The following AKAP19 variants were observed in gnomAD, a reference collection of about 807,000 sequenced individuals.
AKAP19 encodes small A-kinase anchoring protein.
the AKAP19 span, among the ~76,000 whole-genome samples, chr2:189,913,820 G>A: frequency 1.3e-5 from 2 of 152,044 alleles, no homozygotes; most frequent in Non-Finnish European, 2.9e-5. Context: ...ATTATAATTA[G>A]TTCAGGATGT....
the AKAP19 span, among the ~76,000 whole-genome samples, chr2:190,112,174 C>A: frequency 6.6e-6 from 1 of 152,228 alleles, no homozygotes. Flanking sequence ...TTTCTTCCCA[C>A]TTCTGCATGA....
chr2:190,036,682 A>C, the AKAP19 span, among the ~76,000 whole-genome samples: 1 of 152,092 alleles, frequency 6.6e-6, no homozygotes, highest in African/African-American at 2.4e-5. Context: ...TGCTTTACTT[A>C]GTTCTTGCTT....
At chr2:189,931,085 G>C in the AKAP19 span, 1 of 429,050 alleles carries the variant, frequency 2.3e-6, no homozygotes. Flanking sequence ...AAATTAATAA[G>C]TATGTGGGAT....
chr2:190,008,619 T>A, the AKAP19 span, among the ~76,000 whole-genome samples: 2 of 152,166 alleles, frequency 1.3e-5, no homozygotes, highest in South Asian at 4.1e-4. Context: ...TCCCAGCTTA[T>A]GCACAGTTTT....
the AKAP19 span, among the ~76,000 whole-genome samples, chr2:189,899,471 A>G: frequency 1.3e-5 from 2 of 152,168 alleles, no homozygotes; most frequent in African/African-American, 4.8e-5. Context: ...TCATTGAGAT[A>G]ATTGGTAACC....
the AKAP19 span, chr2:190,189,589 C>A: frequency 1.3e-5 from 2 of 152,136 alleles, no homozygotes; most frequent in African/African-American, 4.8e-5. Flanking sequence ...GTCCTATACT[C>A]TAGAAATATG....
chr2:189,908,199 CTTT>C, the AKAP19 span, among the ~76,000 whole-genome samples: 1 of 141,308 alleles, frequency 7.1e-6, no homozygotes, highest in Admixed American at 7.1e-5. Context: ...TTACTATATA[CTTT>C]TTTTTTTTTT....
the AKAP19 span, among the ~76,000 whole-genome samples, chr2:189,956,438 G>A: frequency 6.6e-6 from 1 of 151,862 alleles, no homozygotes; most frequent in South Asian, 2.1e-4. Flanking sequence ...CAAAGTGCTG[G>A]GATTACAGGC....
chr2:190,065,084 C>A, the AKAP19 span, among the ~76,000 whole-genome samples: 2 of 152,162 alleles, frequency 1.3e-5, no homozygotes, highest in African/African-American at 4.8e-5. Context: ...TTTCAGCTCT[C>A]ATACTATAAA....
chr2:189,932,867 A>G, the AKAP19 span, among the ~76,000 whole-genome samples: 2 of 152,178 alleles, frequency 1.3e-5, no homozygotes, highest in Non-Finnish European at 2.9e-5. Flanking sequence ...ATTTAATTAA[A>G]AGCCACATGG....
At chr2:189,896,467 G>A in the AKAP19 span, among the ~76,000 whole-genome samples, 159 of 151,992 alleles carry the variant, frequency 1.0e-3, no homozygotes, top group African/African-American at 3.4e-3. Context: ...TTTTTCCCGC[G>A]TTCCATATGG....
chr2:189,913,498 A>G, the AKAP19 span, among the ~76,000 whole-genome samples: 1 of 152,118 alleles, frequency 6.6e-6, no homozygotes, highest in Non-Finnish European at 1.5e-5. Context: ...TATATGTTAC[A>G]TTTATTGTAT....
chr2:190,156,322 G>A, the AKAP19 span, among the ~76,000 whole-genome samples: 7 of 152,064 alleles, frequency 4.6e-5, no homozygotes, highest in African/African-American at 1.4e-4. Context: ...AAAGAAAAAT[G>A]AAATAATAGA....
At chr2:189,925,946 A>G in the AKAP19 span, among the ~76,000 whole-genome samples, 1 of 152,232 alleles carries the variant, frequency 6.6e-6, no homozygotes, top group Non-Finnish European at 1.5e-5. Flanking sequence ...ATTTAGTGAA[A>G]AGTACATTTA....
At chr2:190,151,057 A>T in the AKAP19 span, among the ~76,000 whole-genome samples, 8 of 152,134 alleles carry the variant, frequency 5.3e-5, no homozygotes, top group Non-Finnish European at 8.8e-5. Flanking sequence ...AAGTTTTTAT[A>T]TAAGAATACT....
chr2:190,170,843 T>C, the AKAP19 span, among the ~76,000 whole-genome samples: 2 of 152,316 alleles, frequency 1.3e-5, no homozygotes, highest in East Asian at 1.9e-4. Flanking sequence ...ATCAGGCTGG[T>C]TGGGAGTCTG....
At chr2:190,054,768 C>T in the AKAP19 span, among the ~76,000 whole-genome samples, 1 of 152,142 alleles carries the variant, frequency 6.6e-6, no homozygotes, top group Non-Finnish European at 1.5e-5. Context: ...CAAATCAAAA[C>T]CACAATGAGA....
the AKAP19 span, among the ~76,000 whole-genome samples, chr2:189,959,340 G>C: frequency 1.3e-5 from 2 of 151,682 alleles, no homozygotes; most frequent in Non-Finnish European, 3.0e-5. Flanking sequence ...ATAACCAACT[G>C]CTATTTCAGA....
the AKAP19 span, chr2:190,189,684 CCTT>C: frequency 6.6e-6 from 1 of 152,210 alleles, no homozygotes; most frequent in African/African-American, 2.4e-5. Context: ...ACTCTACCCT[CCTT>C]AGCTACAAGT....
Sources: allele counts gnomAD v4.1 joint callset (sites outside exome capture counted in the v4.1 genomes callset), GRCh38; gene constraint gnomAD v4.1.1; transcripts MANE v1.5; gene names NCBI Gene and HGNC (gene_info 2026-07-23, HGNC 2026-07-21).